NICOL1: variants seen among roughly 807,000 people sequenced by gnomAD.
NICOL1 encodes NELL2 interacting cell ontogeny regulator 1, also known as NELL2-interacting cell ontogeny regulator 1.
At chr4:2,042,299 G>A in the NICOL1 span, 2 of 754,516 alleles carry the variant, frequency 2.7e-6, no homozygotes, top group Non-Finnish European at 3.8e-6. Context: ...GGGCGGGGCG[G>A]GCGCCGCTGA....
the NICOL1 span, among the ~76,000 whole-genome samples, chr4:2,040,338 C>A: frequency 4.6e-5 from 7 of 152,232 alleles, no homozygotes; most frequent in Non-Finnish European, 8.8e-5. Context: ...AACTCCTGAC[C>A]CCAGGTGATC....
chr4:2,040,851 C>CA, the NICOL1 span, among the ~76,000 whole-genome samples: 1 of 151,656 alleles, frequency 6.6e-6, no homozygotes, highest in Non-Finnish European at 1.5e-5. Flanking sequence ...CCCACCCTCC[C>CA]ACCCACTCTT....
the NICOL1 span, chr4:2,042,841 C>T: frequency 3.4e-6 from 5 of 1,470,784 alleles, no homozygotes; most frequent in South Asian, 1.3e-5. Context: ...GCCCGCGGCG[C>T]GACGGTCCTC....
chr4:2,037,030 G>GGAGGCC, the NICOL1 span, among the ~76,000 whole-genome samples: 2 of 152,072 alleles, frequency 1.3e-5, no homozygotes, highest in South Asian at 4.2e-4. Flanking sequence ...ATTGGATCAC[G>GGAGGCC]GAGGCCGACT....
chr4:2,040,762 G>A, the NICOL1 span, among the ~76,000 whole-genome samples: 85 of 152,272 alleles, frequency 5.6e-4, no homozygotes, highest in East Asian at 0.016. Context: ...GCACACCCCC[G>A]AGGTGCGACC....
At chr4:2,037,400 C>G in the NICOL1 span, among the ~76,000 whole-genome samples, 1 of 152,180 alleles carries the variant, frequency 6.6e-6, no homozygotes. Flanking sequence ...AGCCAATACA[C>G]TTCTAAATAA....
the NICOL1 span, chr4:2,042,003 T>G: frequency 1.6e-5 from 24 of 1,469,408 alleles, no homozygotes; most frequent in Admixed American, 5.7e-5. Context: ...GCATGCGCGT[T>G]GCGCGCCGGA....
chr4:2,039,583 C>T, the NICOL1 span, among the ~76,000 whole-genome samples: 1 of 152,094 alleles, frequency 6.6e-6, no homozygotes, highest in Non-Finnish European at 1.5e-5. Context: ...GCCTGGATTC[C>T]CAGCACTTTG....
At chr4:2,041,833 C>A in the NICOL1 span, 1 of 716,212 alleles carries the variant, frequency 1.4e-6, no homozygotes, top group Non-Finnish European at 2.1e-6. Context: ...CTGCATCCGC[C>A]ATGGGCCTGG....
chr4:2,038,704 C>A, the NICOL1 span, among the ~76,000 whole-genome samples: 1 of 152,194 alleles, frequency 6.6e-6, no homozygotes, highest in South Asian at 2.1e-4. Flanking sequence ...CTTACCAACT[C>A]ATTTCCTGTT....
At chr4:2,036,625 C>A in the NICOL1 span, among the ~76,000 whole-genome samples, 1 of 152,168 alleles carries the variant, frequency 6.6e-6, no homozygotes, top group Non-Finnish European at 1.5e-5. Flanking sequence ...ATGTTCAGGG[C>A]GGCCCTCGAG....
At chr4:2,043,886 A>G in the NICOL1 span, 15 of 1,549,674 alleles carry the variant, frequency 9.7e-6, no homozygotes, top group African/African-American at 2.7e-5. Context: ...CTGCAGGCAG[A>G]GCGCCGTGCC....
At chr4:2,040,542 C>T in the NICOL1 span, among the ~76,000 whole-genome samples, 1 of 152,218 alleles carries the variant, frequency 6.6e-6, no homozygotes. Context: ...CCGGCAACAG[C>T]GCGGGGCTAC....
chr4:2,042,428 C>T, the NICOL1 span: 1 of 459,846 alleles, frequency 2.2e-6, no homozygotes, highest in Non-Finnish European at 3.8e-6. Flanking sequence ...CTGAGTCTGG[C>T]GCTGCTGGGC....
At chr4:2,038,919 T>C in the NICOL1 span, among the ~76,000 whole-genome samples, 1 of 152,176 alleles carries the variant, frequency 6.6e-6, no homozygotes, top group Non-Finnish European at 1.5e-5. Context: ...CAATGAAAAA[T>C]CCTCAGCTCT....
the NICOL1 span, among the ~76,000 whole-genome samples, chr4:2,036,642 G>A: frequency 3.9e-5 from 6 of 152,184 alleles, no homozygotes; most frequent in South Asian, 2.1e-4. Flanking sequence ...CGAGGACAGC[G>A]TGGAGAAGAA....
chr4:2,042,046 G>A, the NICOL1 span: 1 of 1,473,716 alleles, frequency 6.8e-7, no homozygotes, highest in Non-Finnish European at 8.9e-7. Context: ...CCGCGCTGCT[G>A]GTCCCGGGGT....
the NICOL1 span, among the ~76,000 whole-genome samples, chr4:2,038,018 C>A: frequency 2.0e-5 from 3 of 150,920 alleles, no homozygotes; most frequent in African/African-American, 7.3e-5. Context: ...TGTTATTGTT[C>A]TAATTGTAAA....
chr4:2,042,957 C>A, the NICOL1 span: 1 of 587,272 alleles, frequency 1.7e-6, no homozygotes, highest in Non-Finnish European at 2.8e-6. Context: ...CCGCACCTTG[C>A]CCCCTTCCTC....
Sources: gnomAD v4.1 joint callset for allele counts (sites outside exome capture counted in the v4.1 genomes callset) on GRCh38, gnomAD v4.1.1 for gene constraint, MANE v1.5 for transcripts, NCBI Gene and HGNC (gene_info 2026-07-23, HGNC 2026-07-21) for gene names.